The following GTF2F2 variants were observed in gnomAD, a reference collection of about 807,000 sequenced individuals.
The protein encoded by GTF2F2 is ATP-dependent helicase GTF2F2.
In GTF2F2, 23 loss-of-function variants were observed where a neutral mutation model predicts 42.2. The ratio of observed to expected loss-of-function variants is 0.55; its 90% CI spans 0.39 to 0.77. The LOEUF (loss-of-function observed/expected upper bound fraction) is 0.77. Ranked by LOEUF, GTF2F2 falls within the 30% of genes least tolerant of loss-of-function variation. The probability of loss-of-function intolerance (pLI) is 0.00; values close to 1 mark genes in which losing one functional copy is unlikely to be tolerated. For missense variants in GTF2F2, 261 were observed against 287.2 expected (o/e 0.91, Z 0.66); for synonymous variants, 105 against 100.8 (o/e 1.04, Z -0.25).
chr13:45,265,307 A>C (rs963523070), intron 6 of GTF2F2, among the ~76,000 whole-genome samples: 1 of 151,984 alleles, frequency 6.6e-6, no homozygotes, highest in African/African-American at 2.4e-5. Context: ...TTCCCTAACA[A>C]TACAATCTGT....
At chr13:45,173,429 G>A (rs1871697835) in intron 4 of GTF2F2, among the ~76,000 whole-genome samples, 1 of 151,302 alleles carries the variant, frequency 6.6e-6, no homozygotes, top group Non-Finnish European at 1.5e-5. Flanking sequence ...TGTCACGTGT[G>A]GTTTCATATA....
intron 2 of GTF2F2, among the ~76,000 whole-genome samples, chr13:45,139,098 A>C (rs539734609): frequency 6.6e-6 from 1 of 152,208 alleles, no homozygotes; most frequent in African/African-American, 2.4e-5. Context: ...GTTATCCACT[A>C]CTTTCTAAGA....
intron 5 of GTF2F2, among the ~76,000 whole-genome samples, chr13:45,230,401 G>A (rs1174100202): frequency 6.6e-6 from 1 of 152,112 alleles, no homozygotes; most frequent in Non-Finnish European, 1.5e-5. Context: ...GTGTGCACAA[G>A]TTACTGGGGT....
At chr13:45,180,968 C>A (rs1452438854) in intron 4 of GTF2F2, among the ~76,000 whole-genome samples, 3 of 151,300 alleles carry the variant, frequency 2.0e-5, no homozygotes, top group Non-Finnish European at 4.4e-5. Context: ...TCGAGACCAG[C>A]CTGCCAGCAC....
chr13:45,202,754 A>ACCTG (rs1466265334), intron 4 of GTF2F2, among the ~76,000 whole-genome samples: 2 of 151,720 alleles, frequency 1.3e-5, no homozygotes, highest in Non-Finnish European at 1.5e-5. Context: ...GGGGTTCAAG[A>ACCTG]CCTGCCTGGT....
intron 5 of GTF2F2, among the ~76,000 whole-genome samples, chr13:45,244,262 A>G (rs1170033119): frequency 6.6e-6 from 1 of 152,200 alleles, no homozygotes; most frequent in Non-Finnish European, 1.5e-5. Context: ...TTATTCTGTT[A>G]TATGACCTTT....
chr13:45,273,736 C>T (rs568912304), intron 7 of GTF2F2, among the ~76,000 whole-genome samples: 1 of 145,430 alleles, frequency 6.9e-6, no homozygotes, highest in African/African-American at 2.6e-5. Flanking sequence ...CTCACTGCAA[C>T]CTCCACCTCC....
chr13:45,199,036 A>T (rs1381655122), intron 4 of GTF2F2, among the ~76,000 whole-genome samples: 1 of 152,228 alleles, frequency 6.6e-6, no homozygotes, highest in Non-Finnish European at 1.5e-5. Flanking sequence ...TATTACACTA[A>T]CAAAAGTACT....
chr13:45,269,551 A>G (rs928189869), intron 7 of GTF2F2, among the ~76,000 whole-genome samples: 2 of 152,176 alleles, frequency 1.3e-5, no homozygotes, highest in Non-Finnish European at 2.9e-5. Context: ...ACATAAGTGA[A>G]TCTGTACTAA....
intron 4 of GTF2F2, chr13:45,207,064 A>C (rs1481618771): frequency 5.6e-6 from 1 of 178,460 alleles, no homozygotes; most frequent in Non-Finnish European, 1.2e-5. Flanking sequence ...TTAGTGGTTT[A>C]GACTAGCTGT....
At chr13:45,153,270 G>C (rs978968466) in intron 4 of GTF2F2, among the ~76,000 whole-genome samples, 9 of 151,626 alleles carry the variant, frequency 5.9e-5, no homozygotes, top group Non-Finnish European at 1.0e-4. Flanking sequence ...CGCCCGCCTC[G>C]GCCTCCCGGA....
intron 4 of GTF2F2, among the ~76,000 whole-genome samples, chr13:45,168,893 CTCCCTCCCTCCCTCCTCCTTCCT>C (rs1871445889): frequency 3.1e-3 from 1 of 318 alleles, no homozygotes; most frequent in South Asian, 0.083. Context: ...CCCTCCCTCC[CTCCCTCCCTCCCTCCTCCTTCCT>C]TCCCTCCCTC....
chr13:45,156,251 C>T (rs536926582), intron 4 of GTF2F2, among the ~76,000 whole-genome samples: 4 of 152,178 alleles, frequency 2.6e-5, no homozygotes, highest in African/African-American at 9.7e-5. Flanking sequence ...TACAAATGCT[C>T]TAATGGAGAT....
chr13:45,223,287 G>A lies in GTF2F2; in HGVS notation c.386+15782G>A, dbSNP rs139302719. Among the ~76,000 whole-genome samples the A allele has an allele frequency of 3.3e-3, 389 of 116,560 alleles. 1 individual carries two copies. The highest frequency in any genetic ancestry group is 4.9e-3 in the Non-Finnish European group (260 of 52,778). The allele number at this position is 116,560 out of a possible 152,430, so 76.5% of individuals were successfully genotyped here. ...TAAAAAAAAAAAAAAAAAAAAAAAA[G>A]TTGATTTTTATAATCCAAAATGATG... is the stretch of plus-strand genomic sequence containing the variant. On this transcript the variant is annotated intron_variant, in intron 5 of 7. Transcript: ENST00000340473.
At chr13:45,232,641 A>C (rs544494672) in intron 5 of GTF2F2, among the ~76,000 whole-genome samples, 1 of 152,238 alleles carries the variant, frequency 6.6e-6, no homozygotes, top group East Asian at 1.9e-4. Flanking sequence ...CTCAGAAAAA[A>C]AGAAATGAAG....
intron 2 of GTF2F2, among the ~76,000 whole-genome samples, chr13:45,140,173 A>C (rs972474961): frequency 1.6e-4 from 24 of 150,276 alleles, no homozygotes; most frequent in African/African-American, 5.7e-4. Context: ...GGTTGGTCTC[A>C]AACTCCTGGG....
chr13:45,148,556 G>A (rs1870319959), intron 2 of GTF2F2, among the ~76,000 whole-genome samples: 1 of 152,090 alleles, frequency 6.6e-6, no homozygotes, highest in Non-Finnish European at 1.5e-5. Context: ...TTCCGTCTTT[G>A]TTGGGTCATT....
chr13:45,126,338 G>A (rs969318932), intron 1 of GTF2F2, among the ~76,000 whole-genome samples: 3 of 140,634 alleles, frequency 2.1e-5, no homozygotes, highest in African/African-American at 8.1e-5. Context: ...TGCAAGCTCC[G>A]CCTCCCGGCT....
chr13:45,173,008 G>T (rs1181850156), intron 4 of GTF2F2, among the ~76,000 whole-genome samples: 1 of 151,968 alleles, frequency 6.6e-6, no homozygotes, highest in East Asian at 1.9e-4. Flanking sequence ...AGTCCAGCTG[G>T]GATTTTGGTA....
Sources: gnomAD v4.1 joint callset for allele counts (sites outside exome capture counted in the v4.1 genomes callset) on GRCh38, gnomAD v4.1.1 for gene constraint, MANE v1.5 for transcripts, NCBI Gene and HGNC (gene_info 2026-07-23, HGNC 2026-07-21) for gene names.